Variants in CTNNA2 observed in about 807,000 individuals in gnomAD.
CTNNA2 encodes the protein catenin alpha-2.
Under a neutral mutation model 101.0 loss-of-function variants are expected in CTNNA2, and 42 were observed. That is an observed-to-expected ratio of 0.42 (90% CI 0.32 to 0.54). The LOEUF is 0.54. CTNNA2 is among the 20% of genes least tolerant of loss of function. The pLI, the probability that CTNNA2 is intolerant of heterozygous loss-of-function variation, is 0.14. For missense variants in CTNNA2, 871 were observed against 1,223.1 expected (o/e 0.71, Z 4.29); for synonymous variants, 450 against 456.4 (o/e 0.99, Z 0.18).
chr2:79,370,263 A>G (rs995842268), intron 3 of CTNNA2, among the ~76,000 whole-genome samples: 2 of 152,216 alleles, frequency 1.3e-5, no homozygotes, highest in African/African-American at 4.8e-5. Context: ...CAAAATTGAA[A>G]GATCACTCAG....
intron 4 of CTNNA2, among the ~76,000 whole-genome samples, chr2:79,423,762 G>T (rs193052357): frequency 6.6e-6 from 1 of 152,182 alleles, no homozygotes; most frequent in Non-Finnish European, 1.5e-5. Context: ...ACAGAATTAA[G>T]TTCCCACCAG....
At chr2:79,201,014 A>G (rs1286427073) in intron 2 of CTNNA2, among the ~76,000 whole-genome samples, 4 of 152,288 alleles carry the variant, frequency 2.6e-5, no homozygotes, top group African/African-American at 7.2e-5. Flanking sequence ...TTGCTCTTTC[A>G]GTTTGACTTG....
chr2:79,249,469 A>T (rs535255667), intron 2 of CTNNA2, among the ~76,000 whole-genome samples: 1 of 152,316 alleles, frequency 6.6e-6, no homozygotes, highest in South Asian at 2.1e-4. Flanking sequence ...TGAGTCTTAT[A>T]ACTCAAATCT....
chr2:80,537,268 T>C (rs1229320767), intron 9 of CTNNA2, among the ~76,000 whole-genome samples: 1 of 152,218 alleles, frequency 6.6e-6, no homozygotes, highest in Non-Finnish European at 1.5e-5. Flanking sequence ...TTCTTTTTTA[T>C]GGCTGCATAG....
chr2:79,393,658 C>T (rs993788175), intron 4 of CTNNA2, among the ~76,000 whole-genome samples: 2 of 150,824 alleles, frequency 1.3e-5, no homozygotes, highest in Non-Finnish European at 2.9e-5. Flanking sequence ...AGCTGCTCTC[C>T]GAAGCTCTGA....
chr2:79,615,730 C>T (rs1474886382), intron 1 of CTNNA2, among the ~76,000 whole-genome samples: 1 of 152,124 alleles, frequency 6.6e-6, no homozygotes, highest in Admixed American at 6.5e-5. Context: ...TACTATAAGA[C>T]CTCTGGCCAT....
chr2:80,151,942 C>T (rs747838357), intron 7 of CTNNA2, among the ~76,000 whole-genome samples: 1 of 152,248 alleles, frequency 6.6e-6, no homozygotes, highest in East Asian at 1.9e-4. Flanking sequence ...TTGCTTCCCC[C>T]CTGCTGTCTT....
intron 4 of CTNNA2, among the ~76,000 whole-genome samples, chr2:79,442,818 G>A (rs1267784604): frequency 6.6e-6 from 1 of 152,124 alleles, no homozygotes; most frequent in Non-Finnish European, 1.5e-5. Context: ...GTGGGAGGTT[G>A]AATTCAAAGC....
intron 2 of CTNNA2, among the ~76,000 whole-genome samples, chr2:79,743,638 A>G (rs759143999): frequency 7.9e-5 from 12 of 151,608 alleles, no homozygotes; most frequent in Non-Finnish European, 1.8e-4. Flanking sequence ...AGTTCAAGCG[A>G]TTCTCCTGCC....
chr2:80,320,918 C>T (rs1004491572), intron 7 of CTNNA2, among the ~76,000 whole-genome samples: 3 of 152,076 alleles, frequency 2.0e-5, no homozygotes, highest in Non-Finnish European at 4.4e-5. Flanking sequence ...AAATATGTCT[C>T]CACATTTCAT....
chr2:80,162,190 G>T (rs1401082862), intron 7 of CTNNA2, among the ~76,000 whole-genome samples: 1 of 152,052 alleles, frequency 6.6e-6, no homozygotes, highest in Non-Finnish European at 1.5e-5. Flanking sequence ...CCCTCCTAAA[G>T]TGTCTAAAAT....
At chr2:79,537,444 A>G (rs1434592183) in intron 1 of CTNNA2, among the ~76,000 whole-genome samples, 1 of 151,982 alleles carries the variant, frequency 6.6e-6, no homozygotes, top group East Asian at 1.9e-4. Flanking sequence ...TTATGCTGCT[A>G]GGGTCTATGC....
At chr2:79,266,586 T>C (rs1229985751) in intron 2 of CTNNA2, among the ~76,000 whole-genome samples, 5 of 152,164 alleles carry the variant, frequency 3.3e-5, no homozygotes, top group African/African-American at 1.2e-4. Flanking sequence ...ATTTTCAGAA[T>C]GCTATCTTGA....
At chr2:80,074,847 C>A (rs955955643) in intron 7 of CTNNA2, among the ~76,000 whole-genome samples, 6 of 152,170 alleles carry the variant, frequency 3.9e-5, no homozygotes, top group African/African-American at 1.4e-4. Context: ...CTAAGCCTTA[C>A]AAATATCTTA....
At chr2:80,487,288 A>C (rs1186579560) in intron 9 of CTNNA2, among the ~76,000 whole-genome samples, 5 of 151,872 alleles carry the variant, frequency 3.3e-5, no homozygotes, top group Non-Finnish European at 7.4e-5. Context: ...CTCAAAAAAA[A>C]AAAAAAAAAA....
At chr2:80,028,633 A>G (rs1695091415) in intron 7 of CTNNA2, among the ~76,000 whole-genome samples, 1 of 152,238 alleles carries the variant, frequency 6.6e-6, no homozygotes, top group Admixed American at 6.5e-5. Context: ...AAATGGAATT[A>G]TGGTCACTAA....
At chr2:79,617,204 A>AATATTTTC (rs1678688042) in intron 1 of CTNNA2, among the ~76,000 whole-genome samples, 2 of 151,968 alleles carry the variant, frequency 1.3e-5, no homozygotes, top group South Asian at 4.2e-4. Flanking sequence ...GTTCAGCCCT[A>AATATTTTC]ATATTTTCTT....
At chr2:79,521,989 A>G (rs1035080950) in intron 1 of CTNNA2, among the ~76,000 whole-genome samples, 4 of 152,208 alleles carry the variant, frequency 2.6e-5, no homozygotes, top group African/African-American at 9.7e-5. Context: ...TGCTGGCAGT[A>G]GTCTGGAATC....
rs1212393841 is a variant in CTNNA2 at position 79,692,031 on chromosome 2, AT to A, written c.102+40375del. ...AGGCAAAATTGACAAATGGGATCTA[AT>A]TAAACTAAGGAGCTTCTTCACAGCA... On this transcript the variant is annotated intron_variant, in intron 2 of 18. Transcript: ENST00000402739. Among the ~76,000 whole-genome samples, 17 of 152,228 alleles carry A rather than the reference AT, an allele frequency of 1.1e-4. 1 individual carries two copies. Among genetic ancestry groups the A allele is most frequent in the African/African-American group, 4.1e-4 (17 of 41,462 alleles).
Sources: gnomAD v4.1 joint callset for allele counts (sites outside exome capture counted in the v4.1 genomes callset) on GRCh38, gnomAD v4.1.1 for gene constraint, MANE v1.5 for transcripts, NCBI Gene and HGNC (gene_info 2026-07-23, HGNC 2026-07-21) for gene names.